SYTL3: variants seen among roughly 807,000 people sequenced by gnomAD.
SYTL3 encodes synaptotagmin-like protein 3.
In SYTL3, 88 loss-of-function variants were observed where a neutral mutation model predicts 82.1. The ratio of observed to expected loss-of-function variants is 1.07; its 90% CI spans 0.90 to 1.28. The LOEUF (loss-of-function observed/expected upper bound fraction) is 1.28. Among genes scored for constraint, SYTL3 ranks in the 50% most tolerant of loss-of-function variants. SYTL3 has a pLI of 0.00. For missense variants in SYTL3, 831 were observed against 757.6 expected (o/e 1.10, Z -1.14); for synonymous variants, 311 against 289.4 (o/e 1.07, Z -0.76).
chr6:158,700,834 T>C (rs572533478), intron 6 of SYTL3, among the ~76,000 whole-genome samples: 3 of 152,238 alleles, frequency 2.0e-5, no homozygotes, highest in South Asian at 4.1e-4. Flanking sequence ...GCCAGGATGG[T>C]CTCGATCTCC....
Position 158,764,795 on chromosome 6 carries a change from C to A in SYTL3, c.*191C>A, listed in dbSNP as rs572556697. 2.0e-6 allele frequency: 1 copy of A among 492,010 alleles called. No homozygotes were observed. Among genetic ancestry groups the A allele is most frequent in the Admixed American group, 3.5e-5 (1 of 28,512 alleles). 30.5% of individuals were successfully genotyped at this position (492,010 alleles called of 1,614,324 possible). ...ATTTACGTTAAACACAATTATGTTA[C>A]CTAAGCCTCTGGTGGGTTATCTCCT... On this transcript the variant is annotated 3_prime_UTR_variant, in exon 18 of 18. Transcript: ENST00000611299.
At chr6:158,649,514 G>T (rs116404183), upstream of SYTL3, among the ~76,000 whole-genome samples, 7 of 152,226 alleles carry the variant, frequency 4.6e-5, no homozygotes, top group African/African-American at 1.7e-4. Flanking sequence ...CAAGTCCTTG[G>T]CCATGCCTGA....
At chr6:158,751,816 C>A in intron 12 of SYTL3, 112 bp from the exon 13 acceptor site, 1 of 772,600 alleles carries the variant, frequency 1.3e-6, no homozygotes, top group Non-Finnish European at 2.0e-6. Flanking sequence ...AAAATTCCAG[C>A]AGGAAGCCTG....
In SYTL3 at chr6:158,757,217, G is replaced by GT. The variant is rs1400580865; in HGVS notation, c.1145dup (p.Ala383GlyfsTer39). On this transcript the variant is annotated frameshift_variant, in exon 14 of 18. Transcript: ENST00000611299. LOFTEE classifies it high-confidence loss of function. ...CTCTTCCTTGCCTCTGCAGTATCAG[G>GT]TGGCCCCTGCCCAGCTGGTGACCCG... 6 of 1,609,398 alleles carry GT rather than the reference G, an allele frequency of 3.7e-6. No individual in the cohort carries two copies. In the Admixed American group the frequency reaches 5.0e-5, roughly 13 times the overall value.
intron 13 of SYTL3, 75 bp from the exon 14 acceptor site, chr6:158,757,135 GT>G (rs1789227253): frequency 1.4e-6 from 2 of 1,445,500 alleles, no homozygotes; most frequent in Non-Finnish European, 1.9e-6. Flanking sequence ...GCCCTGGAAG[GT>G]GGGGTCCAGA....
In SYTL3 at chr6:158,757,350, AG is replaced by A; in HGVS notation, c.1278del (p.Gln426HisfsTer60). ...ATWDFEDSTTQSFRWHPLRAK... is the reference protein window; with the variant it reads ...ATWDFEDSTTXSFRWHPLRAK... ...TGGGACTTTGAAGACAGCACAACAC[AG>A]TCCTTCCGCTGGCATCCGCTCCGGG... On this transcript the variant is annotated frameshift_variant, in exon 14 of 18. Coordinates refer to ENST00000611299, the MANE Select transcript of SYTL3 (RefSeq NM_001242394.2). LOFTEE classifies it high-confidence loss of function. 6.2e-7 allele frequency: 1 copy of A among 1,613,820 alleles called. No individual in the cohort carries two copies. The highest frequency in any genetic ancestry group is 8.5e-7 in the Non-Finnish European group (1 of 1,179,910).
rs1411925705 is a variant in SYTL3 at position 158,717,504 on chromosome 6, T to G, written c.596-583T>G. On this transcript the variant is annotated intron_variant, in intron 9 of 17. Coordinates refer to ENST00000611299, the MANE Select transcript of SYTL3 (RefSeq NM_001242394.2). ...ATCTTCAAGGTGGTTCTCTCACTTCTGTATGTGGCTTCCTTCCTTCAAACT... is the reference window on the plus strand; with the variant it reads ...ATCTTCAAGGTGGTTCTCTCACTTCGGTATGTGGCTTCCTTCCTTCAAACT... Among the ~76,000 whole-genome samples the G allele has an allele frequency of 7.2e-5, 11 of 152,146 alleles. No individual in the cohort carries two copies. The East Asian group carries it at 2.1e-3, about 29-fold the overall frequency.
intron 9 of SYTL3, among the ~76,000 whole-genome samples, chr6:158,714,877 T>C (rs1250811006): frequency 6.6e-6 from 1 of 152,330 alleles, no homozygotes; most frequent in African/African-American, 2.4e-5. Context: ...CTGTGTCAGC[T>C]GTCACACGAT....
intron 12 of SYTL3, among the ~76,000 whole-genome samples, chr6:158,746,760 G>A (rs888756905): frequency 2.6e-5 from 4 of 151,246 alleles, no homozygotes; most frequent in Non-Finnish European, 5.9e-5. Context: ...CACCACACCC[G>A]GCCAGCACTA....
intron 13 of SYTL3, among the ~76,000 whole-genome samples, chr6:158,755,258 G>A (rs1246286385): frequency 7.2e-5 from 11 of 152,170 alleles, no homozygotes; most frequent in Admixed American, 6.5e-4. Context: ...TGGGAGGATC[G>A]CTTGAGCCTG....
chr6:158,655,383 C>G (rs1039673429), intron 2 of SYTL3, among the ~76,000 whole-genome samples: 2 of 152,160 alleles, frequency 1.3e-5, no homozygotes, highest in Non-Finnish European at 2.9e-5. Flanking sequence ...TTTCTCAATT[C>G]AAGCCAAACA....
intron 11 of SYTL3, among the ~76,000 whole-genome samples, chr6:158,735,181 G>A (rs769904400): frequency 2.0e-5 from 3 of 152,118 alleles, no homozygotes; most frequent in Non-Finnish European, 4.4e-5. Context: ...GAGGTGGGGT[G>A]AGCAAATCCA....
rs977601920 is a variant in SYTL3 at position 158,764,574 on chromosome 6, A to G, written c.1803A>G (p.Leu601=). 18 of 1,613,884 alleles carry G rather than the reference A, an allele frequency of 1.1e-5. No individual in the cohort carries two copies. The highest frequency in any genetic ancestry group is 4.4e-5 in the South Asian group (4 of 91,088). ...QWQKVLSSPN[L]WTDMTLVLH The stretch of plus-strand genomic sequence containing the variant: ...AGAAAGTCCTTTCCAGCCCCAATCT[A>G]TGGACAGACATGACTCTTGTCCTGC... The change falls in exon 18 of 18, where the codon CTA becomes CTG. Residue 601 remains leucine, a synonymous_variant. Coordinates refer to ENST00000611299, the MANE Select transcript of SYTL3 (RefSeq NM_001242394.2).
chr6:158,696,362 A>ATTT (rs57832098), intron 6 of SYTL3, among the ~76,000 whole-genome samples: 39 of 140,162 alleles, frequency 2.8e-4, no homozygotes, highest in South Asian at 2.5e-3. Context: ...ACCACGCCTA[A>ATTT]TTTTTTTTTT....
At chr6:158,671,592 C>T (rs1777385584) in intron 5 of SYTL3, among the ~76,000 whole-genome samples, 1 of 151,780 alleles carries the variant, frequency 6.6e-6, no homozygotes, top group South Asian at 2.1e-4. Flanking sequence ...TGGTGAAATC[C>T]CATCTCTACT....
intron 5 of SYTL3, among the ~76,000 whole-genome samples, chr6:158,678,202 T>C (rs960029264): frequency 1.3e-5 from 2 of 152,218 alleles, no homozygotes; most frequent in Non-Finnish European, 2.9e-5. Flanking sequence ...TTGTAGTTCA[T>C]GTGTCTAAAG....
chr6:158,763,415 T>C lies in SYTL3; in HGVS notation c.1629T>C (p.Ala543=), dbSNP rs770000183. The change falls in exon 17 of 18, where the codon GCT becomes GCC. Residue 543 remains alanine, a synonymous_variant. Transcript: ENST00000611299. Reference sequence around the variant, plus strand: ...TTGTCTTCAGTGGCGTAACCCCAGCTCAGCTGAGGCAGTCAAGCTTGGAGT... The same window carrying C: ...TTGTCTTCAGTGGCGTAACCCCAGCCCAGCTGAGGCAGTCAAGCTTGGAGT... ...HSFVFSGVTP[A]QLRQSSLELT... The C allele has an allele frequency of 4.3e-6, 7 of 1,614,086 alleles. No homozygotes were observed. The highest frequency in any genetic ancestry group is 1.7e-6 in the Non-Finnish European group (2 of 1,180,040).
Position 158,745,547 on chromosome 6 carries a change from G to A in SYTL3, c.923G>A (p.Gly308Glu). ...MGNFDNANVT[G>E]EIEFAIHYCF... ...AATTTTGACAATGCTAATGTCACTG[G>A]AGAAATAGAATTTGCCATTCATTAT... Residue 308 changes from glycine to glutamate, a missense_variant, in exon 12 of 18, where the codon GGA (glycine) becomes GAA (glutamate). Coordinates refer to ENST00000611299, the MANE Select transcript of SYTL3 (RefSeq NM_001242394.2). 1 of 1,613,758 alleles carries A rather than the reference G, an allele frequency of 6.2e-7. No homozygotes were observed. The highest frequency in any genetic ancestry group is 8.5e-7 in the Non-Finnish European group (1 of 1,179,940).
intron 6 of SYTL3, among the ~76,000 whole-genome samples, chr6:158,701,177 TGAG>T (rs1562393176): frequency 6.8e-5 from 8 of 117,410 alleles, no homozygotes; most frequent in African/African-American, 1.4e-4. Context: ...ATGAAGGAGG[TGAG>T]CTGGGGTGTA....
Sources: gnomAD v4.1 joint callset for allele counts (sites outside exome capture counted in the v4.1 genomes callset) on GRCh38, gnomAD v4.1.1 for gene constraint, MANE v1.5 for transcripts, NCBI Gene and HGNC (gene_info 2026-07-23, HGNC 2026-07-21) for gene names.